The following SEZ6 variants were observed in gnomAD, a reference collection of about 807,000 sequenced individuals.
SEZ6 encodes the protein seizure related 6 homolog.
Under a neutral mutation model 101.0 loss-of-function variants are expected in SEZ6, and 53 were observed. That is an observed-to-expected ratio of 0.52 (90% CI 0.42 to 0.66). The LOEUF (loss-of-function observed/expected upper bound fraction) is 0.66, where lower values mean the gene tolerates loss of function less well. Among genes scored for constraint, SEZ6 ranks in the 30% least tolerant of loss-of-function variants. SEZ6 has a pLI of 0.00. For synonymous variants in SEZ6, 488 were observed against 512.2 expected (o/e 0.95, Z 0.64); for missense variants, 1,102 against 1,289.4 (o/e 0.85, Z 2.23).
At chr17:28,992,148 C>T (rs1416379810) in intron 1 of SEZ6, among the ~76,000 whole-genome samples, 1 of 152,228 alleles carries the variant, frequency 6.6e-6, no homozygotes, top group Non-Finnish European at 1.5e-5. Context: ...TCACAAAGAG[C>T]TGTCTTCCAC....
Position 28,957,558 on chromosome 17 carries a change from G to A in SEZ6, c.2303-19C>T, listed in dbSNP as rs1245831071. 1.2e-6 allele frequency: 2 copies of A among 1,605,198 alleles called. No homozygotes were observed. The highest frequency in any genetic ancestry group is 1.3e-5 in the African/African-American group (1 of 74,774). On this transcript the variant is annotated intron_variant, in intron 11 of 16. Coordinates refer to ENST00000317338, the MANE Select transcript of SEZ6 (RefSeq NM_178860.5). ...GAAGTCACTATGGGTAGGGGGTGAT[G>A]GGGAGAAGTAGCCCAAGGAGAACTA...
chr17:28,990,069 T>C (rs1004715827), intron 1 of SEZ6, among the ~76,000 whole-genome samples: 1 of 151,936 alleles, frequency 6.6e-6, no homozygotes, highest in Non-Finnish European at 1.5e-5. Context: ...TTAAACTCTG[T>C]CCCCTGCCCA....
At chr17:28,997,130 A>T (rs1432042190) in intron 1 of SEZ6, among the ~76,000 whole-genome samples, 1 of 152,128 alleles carries the variant, frequency 6.6e-6, no homozygotes, top group Non-Finnish European at 1.5e-5. Flanking sequence ...CCAGTAGGGC[A>T]GGACTGGGGC....
At chr17:28,985,962 G>T (rs2041375379) in intron 1 of SEZ6, among the ~76,000 whole-genome samples, 1 of 152,194 alleles carries the variant, frequency 6.6e-6, no homozygotes, top group Non-Finnish European at 1.5e-5. Flanking sequence ...CGCAGGGCCG[G>T]GGGCTGCATT....
chr17:29,001,972 G>A (rs1013747094), intron 1 of SEZ6, among the ~76,000 whole-genome samples: 2 of 152,240 alleles, frequency 1.3e-5, no homozygotes, highest in Admixed American at 6.5e-5. Flanking sequence ...GGCCCAGAGA[G>A]GACAGGGGTA....
intron 14 of SEZ6, 66 bp downstream of exon 14, chr17:28,956,653 G>A: frequency 6.5e-7 from 1 of 1,546,768 alleles, no homozygotes; most frequent in Non-Finnish European, 8.8e-7. Context: ...GGAAGCCCAT[G>A]ACCTGGGAGC....
At chr17:28,964,282 A>C (rs2041029774) in intron 4 of SEZ6, 135 bp from the exon 5 acceptor site, 4 of 871,628 alleles carry the variant, frequency 4.6e-6, no homozygotes, top group Non-Finnish European at 5.2e-6. Context: ...GGAGTTCCAA[A>C]ACAACTCCAA....
At chr17:28,960,386 G>C in intron 7 of SEZ6, 119 bp downstream of exon 7, 2 of 1,345,800 alleles carry the variant, frequency 1.5e-6, no homozygotes, top group Non-Finnish European at 1.0e-6. Context: ...GTGAGCAGGG[G>C]CTGACTTGGA....
Position 28,960,645 on chromosome 17 carries a change from A to G in SEZ6, c.1436T>C (p.Val479Ala), listed in dbSNP as rs767153312. 1 of 1,601,052 alleles carries G rather than the reference A, an allele frequency of 6.2e-7. No homozygotes were observed. Among genetic ancestry groups the G allele is most frequent in the South Asian group, 1.1e-5 (1 of 89,058 alleles). Residue 479 changes from valine to alanine, a missense_variant, in exon 7 of 17, where the codon GTG (valine) becomes GCG (alanine). By Grantham distance (64) the Val-to-Ala change is moderately conservative (BLOSUM62 0). Coordinates refer to ENST00000317338, the MANE Select transcript of SEZ6 (RefSeq NM_178860.5). ...GGAATCATACACTGGTGGGGCCTCCACGTTGTCCCCATTGCGAATGATGAG... is the reference window on the plus strand; with the variant it reads ...GGAATCATACACTGGTGGGGCCTCCGCGTTGTCCCCATTGCGAATGATGAG... ...DRLIIRNGDN[V>A]EAPPVYDSYE...
intron 1 of SEZ6, among the ~76,000 whole-genome samples, chr17:28,998,457 T>C (rs1037547605): frequency 6.6e-6 from 1 of 151,758 alleles, no homozygotes; most frequent in Non-Finnish European, 1.5e-5. Context: ...AGGAGGGCAT[T>C]GTGAGGAGAG....
chr17:28,998,620 A>G (rs1417244602), intron 1 of SEZ6, among the ~76,000 whole-genome samples: 3 of 152,168 alleles, frequency 2.0e-5, no homozygotes, highest in African/African-American at 4.8e-5. Context: ...GTGACTGGGA[A>G]GAAACCAGAA....
intron 1 of SEZ6, among the ~76,000 whole-genome samples, chr17:29,003,444 G>T (rs755887274): frequency 6.6e-6 from 1 of 152,250 alleles, no homozygotes; most frequent in South Asian, 2.1e-4. Flanking sequence ...CATCTGGGCC[G>T]TGCCTGGCTA....
intron 2 of SEZ6, 66 bp from the exon 3 acceptor site, chr17:28,979,879 C>CCG: frequency 8.2e-7 from 1 of 1,216,748 alleles, no homozygotes; most frequent in Non-Finnish European, 1.1e-6. Context: ...TAAGGCTGAA[C>CCG]CGTGTGTGTG....
chr17:28,994,572 C>A (rs2041510176), intron 1 of SEZ6, among the ~76,000 whole-genome samples: 1 of 152,058 alleles, frequency 6.6e-6, no homozygotes, highest in East Asian at 1.9e-4. Flanking sequence ...CTGAGCCTGG[C>A]TAATTTTTTG....
chr17:29,003,062 T>G (rs1229111804), intron 1 of SEZ6, among the ~76,000 whole-genome samples: 2 of 152,094 alleles, frequency 1.3e-5, no homozygotes, highest in African/African-American at 4.8e-5. Flanking sequence ...CTTACCCCAG[T>G]CTCAGCGGCT....
chr17:28,956,563 C>G lies in SEZ6; in HGVS notation c.2732-96G>C, dbSNP rs573179654. ...CCAAGGGCATCTGACTACCAGCTCC[C>G]TCTAGCTGGCTGGGTGTAGGGAAGG... On this transcript the variant is annotated intron_variant, in intron 14 of 16. Coordinates refer to ENST00000317338, the MANE Select transcript of SEZ6 (RefSeq NM_178860.5). 2.2e-5 allele frequency: 32 copies of G among 1,459,114 alleles called. No homozygotes were observed. The South Asian group carries it at 3.9e-4, about 18-fold the overall frequency. The allele number at this position is 1,459,114 out of a possible 1,614,324, so 90.4% of individuals were successfully genotyped here. A position where few individuals can be genotyped will look rare whatever the true frequency, so the allele number is the denominator to read the frequency against.
intron 1 of SEZ6, among the ~76,000 whole-genome samples, chr17:28,987,267 C>T (rs1304580763): frequency 6.6e-6 from 1 of 152,212 alleles, no homozygotes; most frequent in African/African-American, 2.4e-5. Context: ...TCCCTGCAGA[C>T]CCCTATTATC....
intron 4 of SEZ6, among the ~76,000 whole-genome samples, chr17:28,966,285 C>G (rs1369031800): frequency 6.8e-6 from 1 of 148,110 alleles, no homozygotes; most frequent in Non-Finnish European, 1.5e-5. Context: ...TCGAGACCAG[C>G]TAACATGGTA....
chr17:28,959,573 C>T lies in SEZ6; in HGVS notation c.1772-101G>A. On this transcript the variant is annotated intron_variant, in intron 8 of 16. Transcript: ENST00000317338. This position sits in a 1 kb window ranked among gnomAD's most constrained non-coding sequence, Gnocchi z 4.4. ...CCCACAAATTGCTGGGACCCCCCAC[C>T]TCCTCCTTGGAGGAAGCCTGAACCA... is the stretch of plus-strand genomic sequence containing the variant. 6.4e-7 allele frequency: 1 copy of T among 1,552,910 alleles called. No homozygotes were observed. The highest frequency in any genetic ancestry group is 8.7e-7 in the Non-Finnish European group (1 of 1,150,866).
Sources: allele counts gnomAD v4.1 joint callset (sites outside exome capture counted in the v4.1 genomes callset), GRCh38; gene constraint gnomAD v4.1.1; non-coding constraint Gnocchi (gnomAD v3.1); transcripts MANE v1.5; gene names NCBI Gene and HGNC (gene_info 2026-07-23, HGNC 2026-07-21).